Variants in DCAF7 observed in about 807,000 individuals in gnomAD.
DCAF7 encodes the protein DDB1 and CUL4 associated factor 7, also known as DDB1- and CUL4-associated factor 7.
Under a neutral mutation model 41.2 loss-of-function variants are expected in DCAF7, and 4 were observed. That is an observed-to-expected ratio of 0.10 (90% confidence interval 0.05 to 0.22). The LOEUF (loss-of-function observed/expected upper bound fraction) is 0.22. DCAF7 is among the 10% of genes least tolerant of loss of function. The pLI, the probability that DCAF7 is intolerant of heterozygous loss-of-function variation, is 1.00. For missense variants in DCAF7, 131 were observed against 443.2 expected (o/e 0.30, Z 6.32); for synonymous variants, 143 against 164.2 (o/e 0.87, Z 0.99).
At chr17:63,588,189 A>T (rs1440190486) in intron 6 of DCAF7, among the ~76,000 whole-genome samples, 39 of 120,202 alleles carry the variant, frequency 3.2e-4, no homozygotes, top group African/African-American at 1.3e-3. Context: ...ATTTTCTTGG[A>T]TTTTTTTTTT....
intron 1 of DCAF7, among the ~76,000 whole-genome samples, chr17:63,559,408 T>TAC (rs60722430): frequency 3.8e-5 from 4 of 105,836 alleles, no homozygotes; most frequent in East Asian, 2.1e-4. Context: ...TGTATATATA[T>TAC]GTATATATAT....
At chr17:63,575,987 C>CAGACTGTCT (rs2033557678) in intron 1 of DCAF7, among the ~76,000 whole-genome samples, 1 of 152,174 alleles carries the variant, frequency 6.6e-6, no homozygotes, top group African/African-American at 2.4e-5. Context: ...AGTTTGCCTA[C>CAGACTGTCT]TAGCAGACAG....
intron 3 of DCAF7, 45 bp downstream of exon 3, chr17:63,579,493 A>T (rs201299235): frequency 3.7e-5 from 54 of 1,452,836 alleles, no homozygotes; most frequent in Non-Finnish European, 4.4e-5. Context: ...AGAAGCCAAA[A>T]TAAATTTTCT....
chr17:63,555,695 G>T (rs971043050), intron 1 of DCAF7, among the ~76,000 whole-genome samples: 1 of 152,118 alleles, frequency 6.6e-6, no homozygotes, highest in African/African-American at 2.4e-5. Context: ...GGGAATTTAA[G>T]ACATAAAACT....
rs932509907 is a variant in DCAF7 at position 63,591,721 on chromosome 17, C to G, written c.*2549C>G. 1 of 152,262 alleles carries G rather than the reference C, an allele frequency of 6.6e-6. No homozygotes were observed. The highest frequency in any genetic ancestry group is 6.5e-5 in the Admixed American group (1 of 15,282). The allele number at this position is 152,262 out of a possible 1,614,324, so 9.4% of individuals were successfully genotyped here. A position where few individuals can be genotyped will look rare whatever the true frequency, so the allele number is the denominator to read the frequency against. ...CGATCTGTTGTAGTTGCAAAAACAA[C>G]TCTGTAATTTGTTGAGGTTCTCAAA... On this transcript the variant is annotated 3_prime_UTR_variant, in exon 7 of 7. Coordinates refer to ENST00000614556, the MANE Select transcript of DCAF7 (RefSeq NM_005828.5).
rs2033708354 is a variant in DCAF7, at chr17:63,589,169, G to A, written c.1026G>A (p.Val342=). Residue 342 remains valine (V), a synonymous_variant, in exon 7 of 7, where the codon GTG becomes GTA. Transcript: ENST00000614556. ...ACAACTGCCTGGAGATACTCAGAGTGTAGTGTTGGTGGCGCTGTGCCCACG... is the reference window on the plus strand; with the variant it reads ...ACAACTGCCTGGAGATACTCAGAGTATAGTGTTGGTGGCGCTGTGCCCACG... ...CYNNCLEILR[V] is the part of the protein sequence containing the mutation. 6.2e-7 allele frequency: 1 copy of A among 1,613,840 alleles called. No individual in the cohort carries two copies. Among genetic ancestry groups the A allele is most frequent in the Non-Finnish European group, 8.5e-7 (1 of 1,179,866 alleles).
At chr17:63,574,488 C>T (rs2033539822) in intron 1 of DCAF7, among the ~76,000 whole-genome samples, 1 of 152,080 alleles carries the variant, frequency 6.6e-6, no homozygotes, top group Non-Finnish European at 1.5e-5. Flanking sequence ...TAGACTTAGT[C>T]ATATGGATTT....
At chr17:63,551,275 C>A (rs947565498) in intron 1 of DCAF7, among the ~76,000 whole-genome samples, 1 of 151,676 alleles carries the variant, frequency 6.6e-6, no homozygotes, top group African/African-American at 2.4e-5. Flanking sequence ...TTAAGACGAT[C>A]TATTGTACAA....
At position 63,579,957 on chromosome 17, in the gene DCAF7, C is replaced by G; in HGVS notation, c.528+14C>G. On this transcript the variant is annotated intron_variant, in intron 4 of 6. Coordinates refer to ENST00000614556, the MANE Select transcript of DCAF7 (RefSeq NM_005828.5). ...CATGACAAAGAGGTAAGATGCTTTTCCATTTCGTCTTTCCTCAAATGCTTC... is the reference window on the plus strand; with the variant it reads ...CATGACAAAGAGGTAAGATGCTTTTGCATTTCGTCTTTCCTCAAATGCTTC... 1 of 1,605,028 alleles carries G rather than the reference C, an allele frequency of 6.2e-7. No individual in the cohort carries two copies. Among genetic ancestry groups the G allele is most frequent in the Non-Finnish European group, 8.5e-7 (1 of 1,172,636 alleles).
chr17:63,578,692 A>G, intron 2 of DCAF7, 64 bp downstream of exon 2: 2 of 1,607,292 alleles, frequency 1.2e-6, no homozygotes, highest in South Asian at 2.2e-5. Context: ...GTTAGCAGTG[A>G]AAAGTCACAG....
intron 1 of DCAF7, 130 bp from the exon 2 acceptor site, chr17:63,578,340 G>C: frequency 7.6e-7 from 1 of 1,314,608 alleles, no homozygotes. Context: ...CTCCAGCCTG[G>C]GCAACAGAGC....
intron 1 of DCAF7, among the ~76,000 whole-genome samples, chr17:63,570,425 G>A (rs1452681064): frequency 6.6e-6 from 1 of 151,954 alleles, no homozygotes; most frequent in East Asian, 1.9e-4. Context: ...CTGCACTCCA[G>A]CCTGGGCAAC....
At chr17:63,582,011 A>G (rs537790552) in intron 4 of DCAF7, among the ~76,000 whole-genome samples, 13 of 152,102 alleles carry the variant, frequency 8.5e-5, no homozygotes, top group Admixed American at 7.9e-4. Flanking sequence ...CACGCTGCCC[A>G]TGGCACCTGT....
intron 1 of DCAF7, among the ~76,000 whole-genome samples, chr17:63,567,807 G>A (rs1024133973): frequency 1.1e-4 from 16 of 151,810 alleles, no homozygotes; most frequent in Non-Finnish European, 1.8e-4. Context: ...CTACAGGCCC[G>A]TGCAACCACA....
chr17:63,569,356 G>T (rs1211796624), intron 1 of DCAF7, among the ~76,000 whole-genome samples: 2 of 149,920 alleles, frequency 1.3e-5, no homozygotes, highest in Non-Finnish European at 3.0e-5. Context: ...GGGTGTGTTG[G>T]AATAACCTAT....
At position 63,580,740 on chromosome 17, in the gene DCAF7, G is replaced by A. The variant is rs567233799; in HGVS notation, c.528+797G>A. 1.6e-3 allele frequency among the ~76,000 whole-genome samples: 237 copies of A among 152,004 alleles called. 1 individual carries two copies. The highest frequency in any genetic ancestry group is 5.5e-3 in the African/African-American group (228 of 41,504). Reference sequence around the variant, plus strand: ...TCACCATGTTGGCCAGGATTGTCTCGAACTCTCCTGACCTCAGGTGATCCA... The same window carrying A: ...TCACCATGTTGGCCAGGATTGTCTCAAACTCTCCTGACCTCAGGTGATCCA... On this transcript the variant is annotated intron_variant, in intron 4 of 6. Coordinates refer to ENST00000614556, the MANE Select transcript of DCAF7 (RefSeq NM_005828.5).
At chr17:63,570,416 T>C (rs1378423820) in intron 1 of DCAF7, among the ~76,000 whole-genome samples, 1 of 151,712 alleles carries the variant, frequency 6.6e-6, no homozygotes, top group Non-Finnish European at 1.5e-5. Flanking sequence ...ATTGCGCCAC[T>C]GCACTCCAGC....
intron 4 of DCAF7, among the ~76,000 whole-genome samples, chr17:63,583,172 A>G (rs2033642147): frequency 6.6e-6 from 1 of 152,162 alleles, no homozygotes; most frequent in African/African-American, 2.4e-5. Flanking sequence ...TAAGTGTCTC[A>G]TTCTTGTTGT....
At chr17:63,575,059 A>G (rs889778469) in intron 1 of DCAF7, among the ~76,000 whole-genome samples, 2 of 152,156 alleles carry the variant, frequency 1.3e-5, no homozygotes, top group African/African-American at 4.8e-5. Flanking sequence ...GCTCATGCCA[A>G]TAATCCCAGA....
Sources: allele counts gnomAD v4.1 joint callset (sites outside exome capture counted in the v4.1 genomes callset), GRCh38; gene constraint gnomAD v4.1.1; transcripts MANE v1.5; gene names NCBI Gene and HGNC (gene_info 2026-07-23, HGNC 2026-07-21).